The following FGD4 variants were observed in gnomAD, a reference collection of about 807,000 sequenced individuals.
The protein encoded by FGD4 is FYVE, RhoGEF and PH domain-containing protein 4.
FGD4 carries 42 observed loss-of-function variants against 102.0 expected under a neutral mutation model. The ratio of observed to expected loss-of-function variants is 0.41; its 90% CI spans 0.32 to 0.53. The LOEUF is 0.53. Ranked by LOEUF, FGD4 falls within the 20% of genes least tolerant of loss-of-function variation. The probability of loss-of-function intolerance (pLI) is 0.21; values close to 1 mark genes in which losing one functional copy is unlikely to be tolerated. For synonymous variants in FGD4, 380 were observed against 375.7 expected, an observed-to-expected ratio of 1.01 and a Z score of -0.13; for missense variants, 902 against 1,078.2, an observed-to-expected ratio of 0.84 and a Z score of 2.29.
intron 15 of FGD4, among the ~76,000 whole-genome samples, chr12:32,635,346 C>T (rs1565935175): frequency 6.6e-6 from 1 of 152,012 alleles, no homozygotes; most frequent in African/African-American, 2.4e-5. Flanking sequence ...AGCTTCAGGC[C>T]GTATCTCTGA....
intron 1 of FGD4, among the ~76,000 whole-genome samples, chr12:32,439,445 T>A (rs1425927467): frequency 6.6e-6 from 1 of 152,244 alleles, no homozygotes; most frequent in African/African-American, 2.4e-5. Context: ...TCTGACATAC[T>A]GATTTCATTT....
chr12:32,414,374 G>A (rs1370616712), intron 1 of FGD4, among the ~76,000 whole-genome samples: 3 of 152,030 alleles, frequency 2.0e-5, no homozygotes, highest in East Asian at 3.8e-4. Context: ...GGCATGCAAC[G>A]GGTAATAATC....
intron 1 of FGD4, among the ~76,000 whole-genome samples, chr12:32,401,624 G>A (rs1046170670): frequency 2.6e-5 from 4 of 151,966 alleles, no homozygotes; most frequent in Middle Eastern, 3.2e-3. Context: ...CCATTGAGTA[G>A]GGGAAAAGAG....
chr12:32,431,893 A>G (rs925834775), intron 1 of FGD4, among the ~76,000 whole-genome samples: 1 of 152,160 alleles, frequency 6.6e-6, no homozygotes, highest in Admixed American at 6.6e-5. Flanking sequence ...TGTGACTAAT[A>G]TGAAGTTTCA....
At chr12:32,584,427 G>T (rs1368555498) in intron 4 of FGD4, among the ~76,000 whole-genome samples, 2 of 152,116 alleles carry the variant, frequency 1.3e-5, no homozygotes, top group East Asian at 1.9e-4. Context: ...AATGTCAATG[G>T]TAATATAGTG....
intron 1 of FGD4, among the ~76,000 whole-genome samples, chr12:32,464,013 C>A (rs1370352714): frequency 6.6e-6 from 1 of 152,156 alleles, no homozygotes; most frequent in Non-Finnish European, 1.5e-5. Flanking sequence ...ACTAAGTAGA[C>A]AACTCAGTAG....
At chr12:32,580,814 G>C (rs2136421360) in intron 3 of FGD4, among the ~76,000 whole-genome samples, 1 of 151,654 alleles carries the variant, frequency 6.6e-6, no homozygotes, top group East Asian at 1.9e-4. Context: ...GTGAACCCGG[G>C]AGGCGTAGCT....
chr12:32,408,009 TTTAG>T (rs1041748282), intron 1 of FGD4, among the ~76,000 whole-genome samples: 3 of 143,300 alleles, frequency 2.1e-5, no homozygotes, highest in Non-Finnish European at 4.5e-5. Context: ...TATTTATTTA[TTTAG>T]TTTTGATAAA....
intron 1 of FGD4, among the ~76,000 whole-genome samples, chr12:32,482,594 T>A (rs1943796270): frequency 6.6e-6 from 1 of 152,178 alleles, no homozygotes; most frequent in Non-Finnish European, 1.5e-5. Flanking sequence ...CTATTCCAGA[T>A]TATATATAAA....
At chr12:32,402,057 C>G (rs1257206006) in intron 1 of FGD4, among the ~76,000 whole-genome samples, 2 of 151,514 alleles carry the variant, frequency 1.3e-5, no homozygotes, top group Non-Finnish European at 2.9e-5. Context: ...CGCCCGCCAC[C>G]ACGCCCGGCT....
chr12:32,420,382 C>T (rs1196864517), intron 1 of FGD4, among the ~76,000 whole-genome samples: 1 of 152,188 alleles, frequency 6.6e-6, no homozygotes, highest in Non-Finnish European at 1.5e-5. Context: ...CTTTCAATCC[C>T]TCTGGCTTAG....
At chr12:32,586,064 T>C (rs1389476871) in intron 4 of FGD4, among the ~76,000 whole-genome samples, 1 of 152,104 alleles carries the variant, frequency 6.6e-6, no homozygotes, top group African/African-American at 2.4e-5. Flanking sequence ...TATTTCTGAC[T>C]GCATAATCAG....
intron 1 of FGD4, among the ~76,000 whole-genome samples, chr12:32,559,665 A>G (rs1170809525): frequency 4.6e-5 from 7 of 152,222 alleles, no homozygotes; most frequent in Admixed American, 4.6e-4. Context: ...CATTCGTGGG[A>G]GATATTCTCT....
At chr12:32,589,658 C>T (rs1345536366) in intron 4 of FGD4, among the ~76,000 whole-genome samples, 5 of 152,188 alleles carry the variant, frequency 3.3e-5, no homozygotes, top group African/African-American at 4.8e-5. Flanking sequence ...TCTTCACCAC[C>T]ACTTACTTCC....
rs893704688 is a variant in FGD4 at position 32,399,947 on chromosome 12, T to C, written c.154T>C (p.Ser52Pro). The change falls in exon 1 of 17, where the codon TCA (serine) becomes CCA (proline). Residue 52 changes from serine (S) to proline (P), a missense_variant. By Grantham distance (74) the Ser-to-Pro change is moderately conservative. This residue lies in a region of FGD4 where 443 missense variants were observed against 459.2 expected (regional missense o/e 0.96). Coordinates refer to ENST00000534526, the MANE Select transcript of FGD4 (RefSeq NM_001370298.3). ...CGCTGCCTTCAAGGGCCAGGTGCCC[T>C]CAGGAGCCACAGGTAAGCGCCTCGG... ...GTAAFKGQVP[S>P]GATGSSTCPK... 3 of 1,491,144 alleles carry C rather than the reference T, an allele frequency of 2.0e-6. No homozygotes were observed. Among genetic ancestry groups the C allele is most frequent in the African/African-American group, 2.9e-5 (2 of 68,852 alleles). 92.4% of individuals were successfully genotyped at this position (1,491,144 alleles called of 1,614,324 possible). A position where few individuals can be genotyped will look rare whatever the true frequency, so the allele number is the denominator to read the frequency against.
At chr12:32,552,367 C>T (rs1442292996) in intron 1 of FGD4, among the ~76,000 whole-genome samples, 1 of 151,898 alleles carries the variant, frequency 6.6e-6, no homozygotes, top group Non-Finnish European at 1.5e-5. Context: ...TCAAGCGATT[C>T]TCCTGCTTCA....
chr12:32,525,891 G>A (rs993255443), intron 1 of FGD4, among the ~76,000 whole-genome samples: 1 of 152,250 alleles, frequency 6.6e-6, no homozygotes, highest in African/African-American at 2.4e-5. Flanking sequence ...TTTCTCACCG[G>A]GCCTTAGCTG....
chr12:32,563,294 G>A (rs975735940), intron 1 of FGD4, among the ~76,000 whole-genome samples: 2 of 150,468 alleles, frequency 1.3e-5, no homozygotes, highest in South Asian at 2.1e-4. Flanking sequence ...CGGGGCGGCC[G>A]GGCAGAGACG....
chr12:32,526,744 G>A (rs983795808), intron 1 of FGD4, among the ~76,000 whole-genome samples: 11 of 152,070 alleles, frequency 7.2e-5, no homozygotes, highest in African/African-American at 9.7e-5. Flanking sequence ...CACTCACCGC[G>A]AAGATCTGCA....
Sources: gnomAD v4.1 joint callset for allele counts (sites outside exome capture counted in the v4.1 genomes callset) on GRCh38, gnomAD v4.1.1 for gene constraint, gnomAD v4.1.1 regional missense constraint, MANE v1.5 for transcripts, NCBI Gene and HGNC (gene_info 2026-07-23, HGNC 2026-07-21) for gene names.